PCDH15: variants seen among roughly 807,000 people sequenced by gnomAD.
PCDH15 encodes protocadherin-15.
In PCDH15, 129 loss-of-function variants were observed where a neutral mutation model predicts 178.5. The ratio of observed to expected loss-of-function variants is 0.72; its 90% CI spans 0.63 to 0.84. PCDH15 has a LOEUF of 0.84. PCDH15 is among the 40% of genes least tolerant of loss of function. The pLI is 0.00. For synonymous variants in PCDH15, 800 were observed against 732.0 expected, an observed-to-expected ratio of 1.09 and a Z score of -1.50; for missense variants, 2,230 against 2,099.9, an observed-to-expected ratio of 1.06 and a Z score of -1.21.
intron 21 of PCDH15, among the ~76,000 whole-genome samples, chr10:53,971,409 T>C (rs139031218): frequency 0.015 from 2,272 of 152,286 alleles, 65 homozygotes; most frequent in African/African-American, 0.052. Flanking sequence ...ACCACTCTTA[T>C]TCAACATAGT....
chr10:54,487,210 A>G (rs998284201), intron 3 of PCDH15, among the ~76,000 whole-genome samples: 11 of 152,130 alleles, frequency 7.2e-5, no homozygotes, highest in African/African-American at 2.7e-4. Flanking sequence ...AAGGAACTAC[A>G]GGCCATAATC....
intron 2 of PCDH15, among the ~76,000 whole-genome samples, chr10:55,327,417 G>A (rs116578501): frequency 0.011 from 1,640 of 152,094 alleles, 35 homozygotes; most frequent in African/African-American, 0.037. Flanking sequence ...CAAAAGAGAA[G>A]AAAAGGAAAG....
intron 1 of PCDH15, among the ~76,000 whole-genome samples, chr10:54,687,300 T>G (rs2095030420): frequency 6.6e-6 from 1 of 152,128 alleles, no homozygotes; most frequent in African/African-American, 2.4e-5. Flanking sequence ...TAATCAAAAT[T>G]CTTGGCATTT....
chr10:55,159,643 TA>T, intron 2 of PCDH15, among the ~76,000 whole-genome samples: 1 of 147,668 alleles, frequency 6.8e-6, no homozygotes, highest in South Asian at 2.1e-4. Flanking sequence ...GAGATATATA[TA>T]AAGAGATAAA....
intron 2 of PCDH15, among the ~76,000 whole-genome samples, chr10:55,397,283 A>T (rs547621987): frequency 6.6e-6 from 1 of 152,314 alleles, no homozygotes; most frequent in South Asian, 2.1e-4. Flanking sequence ...GTCATCATTT[A>T]GTTAAGAAAA....
At chr10:54,272,870 A>G (rs1790888128) in intron 8 of PCDH15, among the ~76,000 whole-genome samples, 1 of 152,180 alleles carries the variant, frequency 6.6e-6, no homozygotes, top group South Asian at 2.1e-4. Context: ...AATGTTAACG[A>G]AAAGTGTTCT....
intron 2 of PCDH15, among the ~76,000 whole-genome samples, chr10:55,423,334 T>C (rs1395266163): frequency 6.6e-6 from 1 of 151,956 alleles, no homozygotes; most frequent in East Asian, 1.9e-4. Flanking sequence ...GGGTATCAGA[T>C]ATAGTTGTAT....
intron 21 of PCDH15, 134 bp downstream of exon 21, chr10:53,995,515 A>G: frequency 3.3e-6 from 5 of 1,515,110 alleles, no homozygotes; most frequent in Middle Eastern, 3.6e-4. Flanking sequence ...AATAAGTAAA[A>G]GAACATAAAA....
Position 54,214,002 on chromosome 10 carries a change from T to A in PCDH15, c.1032A>T (p.Thr344=). The A allele has an allele frequency of 6.2e-7, 1 of 1,611,980 alleles. No individual in the cohort carries two copies. Among genetic ancestry groups the A allele is most frequent in the South Asian group, 1.1e-5 (1 of 91,042 alleles). The change falls in exon 10 of 38, where the codon ACA becomes ACT. Residue 344 remains threonine (T), a synonymous_variant. Coordinates refer to ENST00000644397, the MANE Select transcript of PCDH15 (RefSeq NM_001384140.1). The part of the protein sequence containing the change: ...YPRFFHMHPR[T]AELSLLEPVN... ...CTGGCTCCAGGAGACTAAGTTCTGCTGTCCTAGGATGCATATGGAAAAATC... is the reference window on the plus strand; with the variant it reads ...CTGGCTCCAGGAGACTAAGTTCTGCAGTCCTAGGATGCATATGGAAAAATC...
chr10:55,229,169 C>T (rs1226029927), intron 1 of PCDH15, among the ~76,000 whole-genome samples: 1 of 151,502 alleles, frequency 6.6e-6, no homozygotes, highest in Non-Finnish European at 1.5e-5. Flanking sequence ...TATTTAAAAA[C>T]ACATACTTTT....
intron 2 of PCDH15, among the ~76,000 whole-genome samples, chr10:55,506,710 G>A (rs1051619217): frequency 2.6e-5 from 4 of 151,592 alleles, no homozygotes; most frequent in East Asian, 3.9e-4. Flanking sequence ...TATATGGCAA[G>A]TTTCTGAATC....
intron 2 of PCDH15, among the ~76,000 whole-genome samples, chr10:55,532,131 AAG>A (rs1224658659): frequency 9.9e-5 from 15 of 152,034 alleles, no homozygotes; most frequent in Non-Finnish European, 1.6e-4. Context: ...AAGATATAAA[AAG>A]AGAATCAATA....
At chr10:55,017,545 C>T (rs1291707264) in intron 2 of PCDH15, among the ~76,000 whole-genome samples, 2 of 152,002 alleles carry the variant, frequency 1.3e-5, no homozygotes, top group African/African-American at 2.4e-5. Flanking sequence ...CATTTTGTTG[C>T]CTGACAGTGT....
chr10:54,840,508 G>A (rs1256651686), intron 3 of PCDH15, among the ~76,000 whole-genome samples: 1 of 151,414 alleles, frequency 6.6e-6, no homozygotes, highest in Non-Finnish European at 1.5e-5. Context: ...AAATCACAAA[G>A]ACAGGAGGAG....
intron 4 of PCDH15, among the ~76,000 whole-genome samples, chr10:54,376,537 T>A (rs1342022378): frequency 1.3e-5 from 2 of 151,368 alleles, no homozygotes; most frequent in African/African-American, 2.4e-5. Context: ...TCACTTTTTT[T>A]AAAATGAATT....
At chr10:54,805,801 A>G (rs1952769375), upstream of PCDH15, among the ~76,000 whole-genome samples, 2 of 152,330 alleles carry the variant, frequency 1.3e-5, no homozygotes, top group Admixed American at 1.3e-4. Flanking sequence ...ATAAAATTAT[A>G]GGTGTATAAT....
At chr10:54,234,070 G>A (rs2054354420) in intron 9 of PCDH15, among the ~76,000 whole-genome samples, 1 of 151,380 alleles carries the variant, frequency 6.6e-6, no homozygotes, top group South Asian at 2.1e-4. Context: ...TATTTGTATG[G>A]ATTTAGGGAA....
In PCDH15 at chr10:54,421,820, ATATATATATATATATATACACACACAC is replaced by A. The variant is rs1565230605; in HGVS notation, c.158-42905_158-42879del. 8.5e-5 allele frequency among the ~76,000 whole-genome samples: 9 copies of A among 106,122 alleles called. 1 individual carries two copies. The highest frequency in any genetic ancestry group is 4.4e-4 in the African/African-American group (9 of 20,654). The allele number at this position is 106,122 out of a possible 152,430, so 69.6% of individuals were successfully genotyped here. On this transcript the variant is annotated intron_variant, in intron 3 of 37. Coordinates refer to ENST00000644397, the MANE Select transcript of PCDH15 (RefSeq NM_001384140.1). ...ATAGGTACATGTGTAGTGTGTGTATATATATATATATATATATACACACACACTATATATATATATATACACACACTA... is the reference window on the plus strand; with the variant it reads ...ATAGGTACATGTGTAGTGTGTGTATATATATATATATATATACACACACTA...
At chr10:54,423,506 C>G (rs1399177669) in intron 3 of PCDH15, among the ~76,000 whole-genome samples, 1 of 151,638 alleles carries the variant, frequency 6.6e-6, no homozygotes, top group Non-Finnish European at 1.5e-5. Flanking sequence ...TAGGGAATCA[C>G]AGTAAGGAGA....
Sources: gnomAD v4.1 joint callset for allele counts (sites outside exome capture counted in the v4.1 genomes callset) on GRCh38, gnomAD v4.1.1 for gene constraint, MANE v1.5 for transcripts, NCBI Gene and HGNC (gene_info 2026-07-23, HGNC 2026-07-21) for gene names.